Variants in DLGAP1 observed in about 807,000 individuals in gnomAD.
DLGAP1 encodes the protein disks large-associated protein 1.
A neutral mutation model predicts 90.8 loss-of-function variants in DLGAP1; 11 were observed. That is an observed-to-expected ratio of 0.12 (90% CI 0.08 to 0.20). The LOEUF is 0.20. Ranked by LOEUF, DLGAP1 falls within the 10% of genes least tolerant of loss-of-function variation. DLGAP1 has a pLI of 1.00. For synonymous variants in DLGAP1, 558 were observed against 540.7 expected (o/e 1.03, Z -0.44); for missense variants, 1,050 against 1,333.8 (o/e 0.79, Z 3.31).
At chr18:4,208,740 A>AAGAGAAAGAACAGAGGGAGAG (rs1269276034) in intron 1 of DLGAP1, among the ~76,000 whole-genome samples, 25 of 152,134 alleles carry the variant, frequency 1.6e-4, no homozygotes, top group East Asian at 5.8e-4. Context: ...GAGAGAGAGA[A>AAGAGAAAGAACAGAGGGAGAG]AGAGAAAGAA....
rs543041214 is a variant in DLGAP1 at position 3,523,201 on chromosome 18, C to T, written c.2479+10993G>A. 1.1e-4 allele frequency among the ~76,000 whole-genome samples: 17 copies of T among 151,688 alleles called. 1 individual carries two copies. In the South Asian group the frequency reaches 3.3e-3, roughly 30 times the overall value. On this transcript the variant is annotated intron_variant, in intron 10 of 12. Coordinates refer to ENST00000315677, the MANE Select transcript of DLGAP1 (RefSeq NM_004746.4). ...CAGCCTGGCCAACATGGTGAAACTC[C>T]GTCTCTACTAAAAAATACAAAAAAA...
intron 1 of DLGAP1, among the ~76,000 whole-genome samples, chr18:4,336,697 C>T (rs972434541): frequency 1.1e-4 from 17 of 152,124 alleles, no homozygotes; most frequent in African/African-American, 4.1e-4. Context: ...TAATAGATGG[C>T]ATTTTACTAT....
At chr18:4,348,955 C>T (rs561151380) in intron 1 of DLGAP1, among the ~76,000 whole-genome samples, 2 of 152,160 alleles carry the variant, frequency 1.3e-5, no homozygotes, top group Non-Finnish European at 2.9e-5. Context: ...CTCACAAACA[C>T]AGTGGTAAGA....
At chr18:3,998,956 T>C (rs941483521) in intron 3 of DLGAP1, among the ~76,000 whole-genome samples, 1 of 152,166 alleles carries the variant, frequency 6.6e-6, no homozygotes, top group East Asian at 1.9e-4. Flanking sequence ...ACAGGCTCAA[T>C]AGGCTTATTT....
At chr18:4,075,955 C>T (rs887337977) in intron 2 of DLGAP1, among the ~76,000 whole-genome samples, 3 of 152,162 alleles carry the variant, frequency 2.0e-5, no homozygotes, top group East Asian at 3.9e-4. Flanking sequence ...GTCCTGGATC[C>T]GCTATAGCTC....
intron 1 of DLGAP1, among the ~76,000 whole-genome samples, chr18:4,258,946 T>C (rs1224971361): frequency 6.6e-6 from 1 of 152,222 alleles, no homozygotes; most frequent in Non-Finnish European, 1.5e-5. Flanking sequence ...TCATAGAATG[T>C]GGACCTTATA....
rs2059394629 is a variant in DLGAP1 at position 3,653,846 on chromosome 18, A to G, written c.1592-71598T>C. ...CTCTTTGACATGAAAAGCTGCACGAAGCTGCCTTGAATTCATTCTGCAGAT... is the reference window on the plus strand; with the variant it reads ...CTCTTTGACATGAAAAGCTGCACGAGGCTGCCTTGAATTCATTCTGCAGAT... On this transcript the variant is annotated intron_variant, in intron 7 of 12. Coordinates refer to ENST00000315677, the MANE Select transcript of DLGAP1 (RefSeq NM_004746.4). This position sits in a 1 kb window ranked among gnomAD's most constrained non-coding sequence, Gnocchi z 4.6. 6.6e-6 allele frequency: 1 copy of G among 152,212 alleles called. No homozygotes were observed. Among genetic ancestry groups the G allele is most frequent in the Admixed American group, 6.5e-5 (1 of 15,280 alleles). The allele number at this position is 152,212 out of a possible 1,614,324, so 9.4% of individuals were successfully genotyped here. A position where few individuals can be genotyped will look rare whatever the true frequency, so the allele number is the denominator to read the frequency against.
At chr18:3,961,854 A>G (rs1449669748) in intron 3 of DLGAP1, among the ~76,000 whole-genome samples, 1 of 152,172 alleles carries the variant, frequency 6.6e-6, no homozygotes, top group Non-Finnish European at 1.5e-5. Flanking sequence ...TGGACAGAGG[A>G]AAGCCACAGA....
chr18:4,048,279 C>T (rs928009834), intron 2 of DLGAP1, among the ~76,000 whole-genome samples: 3 of 152,112 alleles, frequency 2.0e-5, no homozygotes, highest in African/African-American at 7.2e-5. Flanking sequence ...AATGTAATTG[C>T]TCATATTTAA....
chr18:4,199,842 C>T (rs2077574975), intron 1 of DLGAP1, among the ~76,000 whole-genome samples: 1 of 152,098 alleles, frequency 6.6e-6, no homozygotes, highest in South Asian at 2.1e-4. Context: ...AAAACAATTC[C>T]CCCAAGAGCT....
At chr18:3,681,460 T>G (rs1307101497) in intron 7 of DLGAP1, among the ~76,000 whole-genome samples, 1 of 152,220 alleles carries the variant, frequency 6.6e-6, no homozygotes, top group African/African-American at 2.4e-5. Flanking sequence ...AACTTTGATC[T>G]CTAGTTACCT....
chr18:3,767,254 T>C (rs1227776474), intron 5 of DLGAP1, among the ~76,000 whole-genome samples: 1 of 152,088 alleles, frequency 6.6e-6, no homozygotes, highest in East Asian at 1.9e-4. Flanking sequence ...GACTTTGTAA[T>C]TTAAAAGTTC....
intron 1 of DLGAP1, among the ~76,000 whole-genome samples, chr18:4,409,377 C>T (rs2082729447): frequency 6.6e-6 from 1 of 152,116 alleles, no homozygotes; most frequent in African/African-American, 2.4e-5. Context: ...CAGTAATATG[C>T]TATCTGCAAA....
At chr18:4,093,522 T>G (rs1022524862) in intron 2 of DLGAP1, among the ~76,000 whole-genome samples, 1 of 152,162 alleles carries the variant, frequency 6.6e-6, no homozygotes, top group Admixed American at 6.5e-5. Flanking sequence ...GACAAGAAGG[T>G]TATTTCATAA....
At chr18:4,138,005 T>G (rs190120488) in intron 2 of DLGAP1, among the ~76,000 whole-genome samples, 118 of 152,280 alleles carry the variant, frequency 7.7e-4, no homozygotes, top group African/African-American at 2.7e-3. Context: ...AATAGTTTTT[T>G]GGAGGAGTCT....
chr18:4,363,936 G>A (rs1266252613), intron 1 of DLGAP1, among the ~76,000 whole-genome samples: 1 of 151,922 alleles, frequency 6.6e-6, no homozygotes, highest in African/African-American at 2.4e-5. Flanking sequence ...AAATCATGCT[G>A]CTATAAAGAC....
chr18:3,897,778 A>ATTTT (rs869170460), intron 3 of DLGAP1, among the ~76,000 whole-genome samples: 7 of 94,476 alleles, frequency 7.4e-5, no homozygotes, highest in Non-Finnish European at 1.2e-4. Context: ...CGAATTTCTG[A>ATTTT]TTTTTTTTTT....
intron 1 of DLGAP1, chr18:4,280,792 C>T (rs866964269): frequency 6.6e-6 from 1 of 152,172 alleles, no homozygotes; most frequent in Non-Finnish European, 1.5e-5. Flanking sequence ...CTCTTAAACT[C>T]GTGAATCTAA....
intron 1 of DLGAP1, among the ~76,000 whole-genome samples, chr18:4,290,812 AG>A (rs1211068555): frequency 2.0e-5 from 3 of 152,188 alleles, no homozygotes; most frequent in African/African-American, 7.2e-5. Flanking sequence ...AAACGTGAAA[AG>A]AAAAACCAAA....
Sources: allele counts gnomAD v4.1 joint callset (sites outside exome capture counted in the v4.1 genomes callset), GRCh38; gene constraint gnomAD v4.1.1; non-coding constraint Gnocchi (gnomAD v3.1); transcripts MANE v1.5; gene names NCBI Gene and HGNC (gene_info 2026-07-23, HGNC 2026-07-21).